ZNF407: variants seen among roughly 807,000 people sequenced by gnomAD.
ZNF407 encodes zinc finger protein 407.
A neutral mutation model predicts 131.2 loss-of-function variants in ZNF407; 17 were observed. The observed-to-expected ratio is 0.13, with a 90% CI of 0.09 to 0.19. The LOEUF is 0.19. ZNF407 is among the 10% of genes least tolerant of loss of function. The pLI, the probability that ZNF407 is intolerant of heterozygous loss-of-function variation, is 1.00. For synonymous variants in ZNF407, 1,156 were observed against 1,062.0 expected, an observed-to-expected ratio of 1.09 and a Z score of -1.72; for missense variants, 2,681 against 2,830.6, an observed-to-expected ratio of 0.95 and a Z score of 1.20.
chr18:74,683,133 C>A (rs1374748302), intron 3 of ZNF407, among the ~76,000 whole-genome samples: 2 of 151,900 alleles, frequency 1.3e-5, no homozygotes, highest in Non-Finnish European at 2.9e-5. Context: ...AGCTTTTGTT[C>A]TAATAGCATA....
intron 3 of ZNF407, among the ~76,000 whole-genome samples, chr18:74,696,615 A>G (rs953340262): frequency 3.9e-5 from 6 of 152,208 alleles, no homozygotes; most frequent in Admixed American, 3.3e-4. Context: ...TCATAGGGTT[A>G]TAATGTGTGT....
chr18:74,626,317 G>A (rs570610922), intron 1 of ZNF407, among the ~76,000 whole-genome samples: 24 of 152,336 alleles, frequency 1.6e-4, no homozygotes, highest in African/African-American at 5.8e-4. Flanking sequence ...TTCTCATAAA[G>A]TTGGACGTCC....
chr18:75,010,327 T>A (rs1344537754), intron 8 of ZNF407, among the ~76,000 whole-genome samples: 1 of 152,088 alleles, frequency 6.6e-6, no homozygotes, highest in Non-Finnish European at 1.5e-5. Flanking sequence ...GTTTTGGAGG[T>A]CCAGACAAGT....
At chr18:74,765,910 G>A (rs1236868544) in intron 3 of ZNF407, among the ~76,000 whole-genome samples, 7 of 151,828 alleles carry the variant, frequency 4.6e-5, no homozygotes, top group Non-Finnish European at 1.0e-4. Flanking sequence ...TTAATCAATG[G>A]GAAGGATAAA....
intron 8 of ZNF407, among the ~76,000 whole-genome samples, chr18:74,997,205 C>G (rs960918570): frequency 6.6e-6 from 1 of 152,192 alleles, no homozygotes; most frequent in African/African-American, 2.4e-5. Flanking sequence ...TTATTACAAG[C>G]TCTCAAGGAG....
Position 74,755,547 on chromosome 18 carries a change from C to CCCTCCCTCCCTA in ZNF407, c.4803-25878_4803-25877insCCCTCCCTACCT, listed in dbSNP as rs1474060218. 3.6e-5 allele frequency among the ~76,000 whole-genome samples: 3 copies of CCCTCCCTCCCTA among 82,884 alleles called. No individual in the cohort carries two copies. The East Asian group carries it at 1.3e-3, about 36-fold the overall frequency. The allele number at this position is 82,884 out of a possible 152,430, so 54.4% of individuals were successfully genotyped here. A position where few individuals can be genotyped will look rare whatever the true frequency, so the allele number is the denominator to read the frequency against. On this transcript the variant is annotated intron_variant, in intron 3 of 8. Transcript: ENST00000299687. ...TGTATCTTTCCCTCTCTCCCTCCCT[C>CCCTCCCTCCCTA]CCTTCCTTCTTCCTTCCTTCCTTCC...
chr18:74,846,282 G>A (rs1475603071), intron 4 of ZNF407, among the ~76,000 whole-genome samples: 1 of 151,804 alleles, frequency 6.6e-6, no homozygotes, highest in Non-Finnish European at 1.5e-5. Flanking sequence ...CATATACAGT[G>A]TTGGAAAAGC....
At chr18:74,841,017 C>T (rs189067870) in intron 4 of ZNF407, among the ~76,000 whole-genome samples, 1 of 152,202 alleles carries the variant, frequency 6.6e-6, no homozygotes, top group Non-Finnish European at 1.5e-5. Flanking sequence ...GTGATGAGGT[C>T]TCTGTTGTCA....
intron 4 of ZNF407, among the ~76,000 whole-genome samples, chr18:74,828,099 T>C (rs1332069129): frequency 1.3e-5 from 2 of 152,188 alleles, no homozygotes; most frequent in African/African-American, 4.8e-5. Context: ...TACCCTCCTT[T>C]CTACTGCTAT....
In ZNF407 at chr18:74,632,661, A is replaced by G. The variant is rs1984184013; in HGVS notation, c.1642A>G (p.Lys548Glu). 6.2e-7 allele frequency: 1 copy of G among 1,614,034 alleles called. No individual in the cohort carries two copies. ...TNRTDLEIHV[K>E]RCHAREMKFY... ...TAGGACAGATTTGGAAATCCATGTG[A>G]AAAGGTGCCATGCCAGAGAGATGAA... The change falls in exon 2 of 9, where the codon AAA becomes GAA. Residue 548 changes from lysine to glutamate, a missense_variant. By Grantham distance (56) the Lys-to-Glu change is moderately conservative. This residue lies in a region of ZNF407 where 1,789 missense variants were observed against 1,748.7 expected (regional missense o/e 1.02). Transcript: ENST00000299687.
chr18:75,045,161 A>G (rs1973420120), intron 8 of ZNF407, among the ~76,000 whole-genome samples: 1 of 152,058 alleles, frequency 6.6e-6, no homozygotes, highest in Non-Finnish European at 1.5e-5. Flanking sequence ...TGTACATAAC[A>G]TGTGCCTGTG....
intron 4 of ZNF407, among the ~76,000 whole-genome samples, chr18:74,833,333 A>G (rs1970510721): frequency 6.6e-6 from 1 of 152,244 alleles, no homozygotes; most frequent in Non-Finnish European, 1.5e-5. Flanking sequence ...TACTAGGGAA[A>G]TAGCACATAA....
intron 3 of ZNF407, among the ~76,000 whole-genome samples, chr18:74,712,913 T>C (rs1161125180): frequency 6.6e-6 from 1 of 152,078 alleles, no homozygotes; most frequent in East Asian, 1.9e-4. Flanking sequence ...AAGTCAGGGT[T>C]TGGTGGGAGA....
At chr18:74,678,031 T>C (rs746654314) in intron 3 of ZNF407, among the ~76,000 whole-genome samples, 2 of 151,978 alleles carry the variant, frequency 1.3e-5, no homozygotes, top group African/African-American at 2.4e-5. Flanking sequence ...ATGTTGGCCA[T>C]GCTCATCTTG....
At chr18:74,892,236 G>A (rs1042516800) in intron 7 of ZNF407, among the ~76,000 whole-genome samples, 26 of 152,248 alleles carry the variant, frequency 1.7e-4, no homozygotes, top group South Asian at 2.1e-4. Context: ...GTCTGCGTTT[G>A]GTATGAGCAC....
At chr18:74,606,926 A>G (rs1982831871) in intron 1 of ZNF407, among the ~76,000 whole-genome samples, 1 of 152,174 alleles carries the variant, frequency 6.6e-6, no homozygotes, top group Admixed American at 6.5e-5. Context: ...GTGAAATACT[A>G]GGGGTGGTCT....
chr18:74,757,793 TTTTG>T (rs1222178957), intron 3 of ZNF407, among the ~76,000 whole-genome samples: 5 of 152,170 alleles, frequency 3.3e-5, no homozygotes, highest in Admixed American at 1.3e-4. Context: ...TAATTTGTTG[TTTTG>T]TTTATTTTGG....
At chr18:74,987,221 AT>A (rs1972663873) in intron 8 of ZNF407, among the ~76,000 whole-genome samples, 1 of 152,002 alleles carries the variant, frequency 6.6e-6, no homozygotes. Context: ...GTACCGGGGA[AT>A]TTTTTTCAAG....
Position 74,633,890 on chromosome 18 carries a change from A to G in ZNF407, c.2871A>G (p.Leu957=), listed in dbSNP as rs984706842. The change falls in exon 2 of 9, where the codon TTA becomes TTG. Residue 957 remains leucine, a synonymous_variant. Coordinates refer to ENST00000299687, the MANE Select transcript of ZNF407 (RefSeq NM_017757.3). ...CAGCTGAGTCACCCACCTCCGTTTT[A>G]GAGAAGCCAGATCGTGGAAACTCAA... ...NKPAESPTSV[L]EKPDRGNSIE... 3 of 1,614,040 alleles carry G rather than the reference A, an allele frequency of 1.9e-6. No homozygotes were observed. In the South Asian group the frequency reaches 3.3e-5, roughly 18 times the overall value.
Sources: gnomAD v4.1 joint callset for allele counts (sites outside exome capture counted in the v4.1 genomes callset) on GRCh38, gnomAD v4.1.1 for gene constraint, gnomAD v4.1.1 regional missense constraint, MANE v1.5 for transcripts, NCBI Gene and HGNC (gene_info 2026-07-23, HGNC 2026-07-21) for gene names.